Variants in ENTPD1 observed in about 807,000 individuals in gnomAD.
ENTPD1 encodes the protein ATP diphosphohydrolase.
In ENTPD1, 33 loss-of-function variants were observed where a neutral mutation model predicts 57.0. The observed-to-expected ratio is 0.58, with a 90% CI of 0.44 to 0.77. The LOEUF is 0.77. Among genes scored for constraint, ENTPD1 ranks in the 30% least tolerant of loss-of-function variants. The pLI is 0.00. For synonymous variants in ENTPD1, 202 were observed against 218.8 expected (o/e 0.92, Z 0.68); for missense variants, 501 against 603.4 (o/e 0.83, Z 1.78).
chr10:95,707,902 G>A (rs977680368), upstream of ENTPD1, among the ~76,000 whole-genome samples: 3 of 152,138 alleles, frequency 2.0e-5, no homozygotes, highest in African/African-American at 7.2e-5. Flanking sequence ...ACCTCTCCTA[G>A]CCATCACTTT....
At chr10:95,714,040 AT>A (rs2097968792) in intron 1 of ENTPD1, among the ~76,000 whole-genome samples, 1 of 152,166 alleles carries the variant, frequency 6.6e-6, no homozygotes, top group South Asian at 2.1e-4. Context: ...CCTGGGCATG[AT>A]GGCTCACTCC....
At chr10:95,813,516 G>A (rs1225181150) in intron 1 of ENTPD1, among the ~76,000 whole-genome samples, 4 of 152,128 alleles carry the variant, frequency 2.6e-5, no homozygotes, top group Non-Finnish European at 4.4e-5. Flanking sequence ...TCAGGGAGTC[G>A]GTTGATATCA....
At chr10:95,839,511 C>A (rs1051008751) in intron 2 of ENTPD1, 180 bp from the exon 3 acceptor site, 1 of 700,020 alleles carries the variant, frequency 1.4e-6, no homozygotes, top group African/African-American at 1.8e-5. Context: ...GAGCCCCGTT[C>A]TAGCAGGGTT....
intron 1 of ENTPD1, among the ~76,000 whole-genome samples, chr10:95,739,010 C>T (rs2097997505): frequency 6.6e-6 from 1 of 152,136 alleles, no homozygotes; most frequent in Non-Finnish European, 1.5e-5. Context: ...ATTATGTTTA[C>T]ATTATATTAT....
chr10:95,837,304 G>A (rs1056209032), intron 2 of ENTPD1, among the ~76,000 whole-genome samples: 1 of 152,188 alleles, frequency 6.6e-6, no homozygotes, highest in African/African-American at 2.4e-5. Flanking sequence ...CTGGCAGGAA[G>A]AAATCAGGGG....
At position 95,864,728 on chromosome 10, in the gene ENTPD1, A is replaced by C. The variant is rs2098471137; in HGVS notation, c.1193A>C (p.Lys398Thr). 4 of 1,614,134 alleles carry C rather than the reference A, an allele frequency of 2.5e-6. No individual in the cohort carries two copies. Among genetic ancestry groups the C allele is most frequent in the Non-Finnish European group, 3.4e-6 (4 of 1,180,014 alleles). ...KFCAQPWEEIKTSYAGVKEKY... is the reference protein window; with the variant it reads ...KFCAQPWEEITTSYAGVKEKY... Reference sequence around the variant, plus strand: ...TCCCCCTCACTTCACTTCTAGATAAAAACATCTTACGCTGGAGTAAAGGAG... The same window carrying C: ...TCCCCCTCACTTCACTTCTAGATAACAACATCTTACGCTGGAGTAAAGGAG... Residue 398 changes from lysine to threonine, a missense_variant, in exon 9 of 10, where the codon AAA (lysine) becomes ACA (threonine). Coordinates refer to ENST00000371205, the MANE Select transcript of ENTPD1 (RefSeq NM_001776.6).
At position 95,847,571 on chromosome 10, in the gene ENTPD1, G is replaced by A. The variant is rs771572510; in HGVS notation, c.939G>A (p.Gln313=). The A allele has an allele frequency of 7.4e-6, 12 of 1,614,132 alleles. No individual in the cohort carries two copies. In the South Asian group the frequency reaches 1.3e-4, roughly 18 times the overall value. Residue 313 remains glutamine (Q), a synonymous_variant, in exon 7 of 10, where the codon CAG becomes CAA. Coordinates refer to ENST00000371205, the MANE Select transcript of ENTPD1 (RefSeq NM_001776.6). ...KRFEMTLPFQ[Q]FEIQGIGNYQ... is the part of the protein sequence containing the mutation. ...TTGAGATGACTCTTCCATTCCAGCAGTTTGAAATCCAGGGTATTGGAAACT... is the reference window on the plus strand; with the variant it reads ...TTGAGATGACTCTTCCATTCCAGCAATTTGAAATCCAGGGTATTGGAAACT...
chr10:95,747,912 C>T (rs1039699873), intron 1 of ENTPD1, among the ~76,000 whole-genome samples: 1 of 151,344 alleles, frequency 6.6e-6, no homozygotes, highest in African/African-American at 2.4e-5. Context: ...CGCTCTGTCG[C>T]CCAGGCTGGA....
chr10:95,845,793 G>C (rs1401983190), intron 6 of ENTPD1, 197 bp downstream of exon 6: 56 of 737,754 alleles, frequency 7.6e-5, no homozygotes, highest in Non-Finnish European at 1.2e-4. Flanking sequence ...TCCCATGTTT[G>C]TTTACTGCGT....
rs1394068842 is a variant in ENTPD1, at chr10:95,843,826, C to A, written c.414-650C>A. Among the ~76,000 whole-genome samples, 4 of 152,318 alleles carry A rather than the reference C, an allele frequency of 2.6e-5. No individual in the cohort carries two copies. The Middle Eastern group carries it at 0.01, about 389-fold the overall frequency. ...TGCCAGCTGGAAGGTAGCATCCTCT[C>A]GCTCAGAGACTCCCAGTGTTGGGTA... On this transcript the variant is annotated intron_variant, in intron 4 of 9. Transcript: ENST00000371205.
intron 2 of ENTPD1, among the ~76,000 whole-genome samples, chr10:95,826,731 C>T (rs2098378514): frequency 6.6e-6 from 1 of 152,056 alleles, no homozygotes; most frequent in African/African-American, 2.4e-5. Context: ...CCCTGCAAGA[C>T]AGGTTGAGGA....
At chr10:95,780,677 G>T (rs2098153807) in intron 1 of ENTPD1, among the ~76,000 whole-genome samples, 1 of 152,180 alleles carries the variant, frequency 6.6e-6, no homozygotes, top group Admixed American at 6.5e-5. Context: ...GTCCAAGAGA[G>T]GAACAAACTC....
chr10:95,733,105 T>G (rs1034881002), intron 1 of ENTPD1, among the ~76,000 whole-genome samples: 7 of 152,194 alleles, frequency 4.6e-5, no homozygotes, highest in Admixed American at 6.5e-5. Context: ...ATCCCTTATC[T>G]TCAACCATAA....
chr10:95,727,736 A>T (rs1319686855), intron 1 of ENTPD1, among the ~76,000 whole-genome samples: 1 of 152,218 alleles, frequency 6.6e-6, no homozygotes, highest in Non-Finnish European at 1.5e-5. Context: ...AAAATTTAAG[A>T]TGTCAGCAGG....
upstream of ENTPD1, among the ~76,000 whole-genome samples, chr10:95,752,669 A>G (rs540053956): frequency 6.6e-6 from 1 of 152,286 alleles, no homozygotes; most frequent in South Asian, 2.1e-4. Context: ...CTGTCTCAAA[A>G]AAAAAGTTAC....
At chr10:95,724,721 T>C (rs1443782861) in intron 1 of ENTPD1, among the ~76,000 whole-genome samples, 1 of 152,140 alleles carries the variant, frequency 6.6e-6, no homozygotes, top group African/African-American at 2.4e-5. Context: ...GTGATGGGTC[T>C]GCGACGGTGG....
intron 1 of ENTPD1, among the ~76,000 whole-genome samples, chr10:95,714,289 G>A (rs1048070750): frequency 1.3e-5 from 2 of 151,822 alleles, no homozygotes; most frequent in Admixed American, 6.6e-5. Flanking sequence ...ACTGCAGCTT[G>A]GGCAATAGAA....
rs1169006099 is a variant in ENTPD1, at chr10:95,869,501, C to T, written c.*3118C>T. ...CCAATCTCAGGTGATCCTATTGCCT[C>T]GGGCTCCCAAAGTGCTGGGATTACA... On this transcript the variant is annotated 3_prime_UTR_variant, in exon 10 of 10. Transcript: ENST00000371205. The T allele has an allele frequency of 9.4e-6, 9 of 959,278 alleles. No individual in the cohort carries two copies. Among genetic ancestry groups the T allele is most frequent in the African/African-American group, 5.3e-5 (3 of 56,590 alleles). 59.4% of individuals were successfully genotyped at this position (959,278 alleles called of 1,614,324 possible).
Position 95,872,946 on chromosome 10 carries a change from A to C in ENTPD1, c.*6563A>C. The C allele has an allele frequency of 1.0e-6, 1 of 985,434 alleles. No individual in the cohort carries two copies. The highest frequency in any genetic ancestry group is 1.2e-6 in the Non-Finnish European group (1 of 829,930). The allele number at this position is 985,434 out of a possible 1,614,324, so 61.0% of individuals were successfully genotyped here. On this transcript the variant is annotated 3_prime_UTR_variant, in exon 10 of 10. Coordinates refer to ENST00000371205, the MANE Select transcript of ENTPD1 (RefSeq NM_001776.6). ...AGTTTGCCATGCAGCACTTCATTGT[A>C]CACATTATTAAAACAGAATTTTAAG...
Sources: allele counts gnomAD v4.1 joint callset (sites outside exome capture counted in the v4.1 genomes callset), GRCh38; gene constraint gnomAD v4.1.1; transcripts MANE v1.5; gene names NCBI Gene and HGNC (gene_info 2026-07-23, HGNC 2026-07-21).